ZBTB20: variants seen among roughly 807,000 people sequenced by gnomAD.
The protein encoded by ZBTB20 is zinc finger and BTB domain-containing protein 20.
In ZBTB20, 9 loss-of-function variants were observed where a neutral mutation model predicts 56.9. The ratio of observed to expected loss-of-function variants is 0.16; its 90% confidence interval spans 0.10 to 0.28. ZBTB20 has a LOEUF of 0.28. Ranked by LOEUF, ZBTB20 falls within the 10% of genes least tolerant of loss-of-function variation. The probability of loss-of-function intolerance (pLI) is 1.00; values close to 1 mark genes in which losing one functional copy is unlikely to be tolerated. For missense variants in ZBTB20, 655 were observed against 1,003.0 expected, an observed-to-expected ratio of 0.65 and a Z score of 4.69; for synonymous variants, 417 against 420.7, an observed-to-expected ratio of 0.99 and a Z score of 0.11.
intron 10 of ZBTB20, among the ~76,000 whole-genome samples, chr3:114,353,831 A>G (rs759343627): frequency 1.4e-4 from 22 of 152,220 alleles, no homozygotes; most frequent in Admixed American, 1.2e-3. Flanking sequence ...TATTATTCCC[A>G]TTTTACAGAT....
At chr3:114,532,059 G>A (rs2047909943) in intron 6 of ZBTB20, among the ~76,000 whole-genome samples, 1 of 152,170 alleles carries the variant, frequency 6.6e-6, no homozygotes, top group South Asian at 2.1e-4. Flanking sequence ...AAACTGGGCG[G>A]CCGTTTGGGC....
intron 4 of ZBTB20, among the ~76,000 whole-genome samples, chr3:114,801,871 T>C (rs751203876): frequency 5.3e-5 from 8 of 151,946 alleles, no homozygotes; most frequent in Non-Finnish European, 8.8e-5. Context: ...TTTAAGTAAC[T>C]GTAAGCATGT....
chr3:115,132,430 T>G (rs2108671941), intron 1 of ZBTB20, among the ~76,000 whole-genome samples: 1 of 152,286 alleles, frequency 6.6e-6, no homozygotes, highest in South Asian at 2.1e-4. Flanking sequence ...AAAATTCAAG[T>G]TTCTATAATT....
chr3:114,618,804 A>G (rs892225537), intron 6 of ZBTB20, among the ~76,000 whole-genome samples: 4 of 152,218 alleles, frequency 2.6e-5, no homozygotes, highest in African/African-American at 9.6e-5. Flanking sequence ...TCACTATTGA[A>G]AGGAACAGAC....
intron 5 of ZBTB20, among the ~76,000 whole-genome samples, chr3:114,784,089 C>A (rs1322065231): frequency 6.6e-6 from 1 of 152,184 alleles, no homozygotes; most frequent in Non-Finnish European, 1.5e-5. Flanking sequence ...ATCAAGTACA[C>A]AGTGGGTTTT....
intron 5 of ZBTB20, among the ~76,000 whole-genome samples, chr3:114,787,377 A>ACACACACACACACACACAC (rs1553821575): frequency 2.1e-5 from 3 of 141,522 alleles, no homozygotes; most frequent in Non-Finnish European, 4.7e-5. Flanking sequence ...ATACACACAC[A>ACACACACACACACACACAC]CACACACACA....
intron 10 of ZBTB20, among the ~76,000 whole-genome samples, chr3:114,367,416 C>G (rs565053510): frequency 1.5e-4 from 23 of 152,262 alleles, no homozygotes; most frequent in South Asian, 1.2e-3. Context: ...CAAGTGCACA[C>G]CACTATGCCC....
intron 8 of ZBTB20, among the ~76,000 whole-genome samples, chr3:114,383,422 C>A (rs184649301): frequency 6.6e-5 from 10 of 152,268 alleles, no homozygotes; most frequent in Admixed American, 1.3e-4. Context: ...CATATCAATG[C>A]CCTTGTTTCC....
intron 3 of ZBTB20, chr3:114,930,626 G>C (rs2076322574): frequency 6.0e-6 from 1 of 166,278 alleles, no homozygotes; most frequent in Admixed American, 6.3e-5. Context: ...CAGTGGCAAG[G>C]GCGACCTCAC....
chr3:115,120,883 A>G (rs1365415347), intron 1 of ZBTB20, among the ~76,000 whole-genome samples: 3 of 152,104 alleles, frequency 2.0e-5, no homozygotes, highest in Non-Finnish European at 4.4e-5. Context: ...TTTGATTCAG[A>G]CCCAAGTATT....
chr3:114,431,957 C>T (rs1333127757), intron 7 of ZBTB20, among the ~76,000 whole-genome samples: 3 of 152,140 alleles, frequency 2.0e-5, no homozygotes, highest in Non-Finnish European at 4.4e-5. Flanking sequence ...CACCAAAAAT[C>T]TCTAGTCATC....
intron 5 of ZBTB20, among the ~76,000 whole-genome samples, chr3:114,759,947 A>C (rs753842134): frequency 6.6e-6 from 1 of 152,190 alleles, no homozygotes; most frequent in Admixed American, 6.6e-5. Flanking sequence ...ATAATCAGTA[A>C]TTGACAACAC....
chr3:115,038,203 G>A (rs1168517954), intron 2 of ZBTB20, among the ~76,000 whole-genome samples: 1 of 152,202 alleles, frequency 6.6e-6, no homozygotes, highest in Non-Finnish European at 1.5e-5. Context: ...TTAGCTCTAA[G>A]GTGGGTTAAC....
intron 6 of ZBTB20, among the ~76,000 whole-genome samples, chr3:114,609,704 A>G (rs1022662717): frequency 6.6e-6 from 1 of 152,140 alleles, no homozygotes; most frequent in Middle Eastern, 3.2e-3. Flanking sequence ...CTGGGAGACA[A>G]TGTATATCCT....
At chr3:115,096,834 T>C (rs544616722) in intron 1 of ZBTB20, among the ~76,000 whole-genome samples, 1 of 152,326 alleles carries the variant, frequency 6.6e-6, no homozygotes, top group Admixed American at 6.5e-5. Flanking sequence ...TAGTGCCAGA[T>C]TTTATGAATA....
At chr3:114,752,489 A>G (rs765601716) in intron 5 of ZBTB20, among the ~76,000 whole-genome samples, 10 of 152,186 alleles carry the variant, frequency 6.6e-5, no homozygotes, top group Non-Finnish European at 1.2e-4. Flanking sequence ...GACATAATAC[A>G]TGCTCAAAAA....
chr3:115,043,617 AAAATAAAAT>A (rs1258730606), intron 2 of ZBTB20, among the ~76,000 whole-genome samples: 1 of 142,668 alleles, frequency 7.0e-6, no homozygotes, highest in Non-Finnish European at 1.5e-5. Flanking sequence ...AAAATAAAAT[AAAATAAAAT>A]AAAATAATAA....
intron 7 of ZBTB20, among the ~76,000 whole-genome samples, chr3:114,463,230 G>A (rs902397141): frequency 6.6e-6 from 1 of 152,158 alleles, no homozygotes; most frequent in Non-Finnish European, 1.5e-5. Flanking sequence ...AATCTCATTC[G>A]GTTGGTGTTA....
At chr3:114,810,352 A>C (rs1471341313) in intron 4 of ZBTB20, among the ~76,000 whole-genome samples, 1 of 152,160 alleles carries the variant, frequency 6.6e-6, no homozygotes, top group Non-Finnish European at 1.5e-5. Context: ...ACTTCAGGCT[A>C]CATATGATGT....
Sources: gnomAD v4.1 joint callset for allele counts (sites outside exome capture counted in the v4.1 genomes callset) on GRCh38, gnomAD v4.1.1 for gene constraint, MANE v1.5 for transcripts, NCBI Gene and HGNC (gene_info 2026-07-23, HGNC 2026-07-21) for gene names.